GAL3ST1: variants seen among roughly 807,000 people sequenced by gnomAD.
GAL3ST1 encodes galactosylceramide sulfotransferase.
GAL3ST1 carries 13 observed loss-of-function variants against 25.0 expected under a neutral mutation model. That is an observed-to-expected ratio of 0.52 (90% CI 0.34 to 0.83). The LOEUF (loss-of-function observed/expected upper bound fraction) is 0.83, where lower values mean the gene tolerates loss of function less well. Ranked by LOEUF, GAL3ST1 falls within the 40% of genes least tolerant of loss-of-function variation. The probability of loss-of-function intolerance (pLI) is 0.02; values close to 1 mark genes in which losing one functional copy is unlikely to be tolerated. For missense variants in GAL3ST1, 474 were observed against 613.6 expected, an observed-to-expected ratio of 0.77 and a Z score of 2.40; for synonymous variants, 274 against 277.8, an observed-to-expected ratio of 0.99 and a Z score of 0.14.
Position 30,559,353 on chromosome 22 carries a change from G to A in GAL3ST1, c.-119-965C>T, listed in dbSNP as rs536728225. 2.2e-3 allele frequency among the ~76,000 whole-genome samples: 331 copies of A among 152,030 alleles called. 1 individual carries two copies. The highest frequency in any genetic ancestry group is 7.4e-3 in the African/African-American group (309 of 41,518). On this transcript the variant is annotated intron_variant, in intron 1 of 3. Coordinates refer to ENST00000406361, the MANE Select transcript of GAL3ST1 (RefSeq NM_001318104.2). ...ACTCCCCGGTTCAAGCGATTCTCCT[G>A]CCTCAGCCTCCCAAGTAGCTGGGAT...
chr22:30,563,414 G>C (rs2086511635), intron 1 of GAL3ST1: 1 of 152,086 alleles, frequency 6.6e-6, no homozygotes, highest in Non-Finnish European at 1.5e-5. Flanking sequence ...TCAGGAGTTT[G>C]AGGCCAGCCT....
chr22:30,564,370 G>A (rs1030703063), intron 1 of GAL3ST1, among the ~76,000 whole-genome samples: 9 of 152,212 alleles, frequency 5.9e-5, no homozygotes, highest in Non-Finnish European at 1.2e-4. Context: ...CTAGCCTCAG[G>A]GTCAGAAGAC....
intron 1 of GAL3ST1, among the ~76,000 whole-genome samples, chr22:30,574,097 G>C (rs529135727): frequency 2.2e-4 from 33 of 152,232 alleles, no homozygotes; most frequent in African/African-American, 7.9e-4. Flanking sequence ...TCCTCCCCTA[G>C]GGCTCTGGCC....
chr22:30,556,157 G>A, intron 3 of GAL3ST1, 64 bp from the exon 4 acceptor site: 3 of 1,278,906 alleles, frequency 2.3e-6, no homozygotes, highest in South Asian at 1.3e-5. Flanking sequence ...GACTCTGGTA[G>A]TTAGAGAGGG....
rs11912600 is a variant in GAL3ST1 at position 30,554,874 on chromosome 22, G to A, written c.*79C>T. On this transcript the variant is annotated 3_prime_UTR_variant, in exon 4 of 4. Coordinates refer to ENST00000406361, the MANE Select transcript of GAL3ST1 (RefSeq NM_001318104.2). The stretch of plus-strand genomic sequence containing the variant: ...GAGGTGGCACCAGGAGGGGGCTGGG[G>A]GCGGCCAGCACCAGCGGCGTCCTGC... The A allele has an allele frequency of 3.6e-4, 425 of 1,186,102 alleles. 1 individual carries two copies. In the African/African-American group the frequency reaches 6.1e-3, roughly 17 times the overall value. The allele number at this position is 1,186,102 out of a possible 1,614,324, so 73.5% of individuals were successfully genotyped here.
chr22:30,565,659 G>A lies in GAL3ST1; in HGVS notation c.-119-7271C>T, dbSNP rs117512566. ...GAGGAATGGTGATACCCAGACACTCGACCAGCTCTGCAGGATTTGGGCTGA... is the reference window on the plus strand; with the variant it reads ...GAGGAATGGTGATACCCAGACACTCAACCAGCTCTGCAGGATTTGGGCTGA... On this transcript the variant is annotated intron_variant, in intron 1 of 3. Transcript: ENST00000406361. Among the ~76,000 whole-genome samples the A allele has an allele frequency of 1.1e-3, 173 of 152,224 alleles. 2 individuals are homozygous for A. The East Asian group carries it at 0.024, about 21-fold the overall frequency.
chr22:30,554,786 G>C lies in GAL3ST1; in HGVS notation c.*167C>G. On this transcript the variant is annotated 3_prime_UTR_variant, in exon 4 of 4. Coordinates refer to ENST00000406361, the MANE Select transcript of GAL3ST1 (RefSeq NM_001318104.2). ...CTGATCTCGGTTAGGCCCTCTCTGT[G>C]TTCATGGGCCCAGTCTTGGCTGGCT... 1 of 559,622 alleles carries C rather than the reference G, an allele frequency of 1.8e-6. No individual in the cohort carries two copies. The highest frequency in any genetic ancestry group is 1.9e-5 in the African/African-American group (1 of 52,084). The allele number at this position is 559,622 out of a possible 1,614,324, so 34.7% of individuals were successfully genotyped here.
intron 1 of GAL3ST1, among the ~76,000 whole-genome samples, chr22:30,559,714 G>A (rs767024906): frequency 1.4e-4 from 21 of 152,250 alleles, no homozygotes; most frequent in Admixed American, 4.6e-4. Context: ...TGATCTAAGC[G>A]TGGCAACCCT....
intron 1 of GAL3ST1, among the ~76,000 whole-genome samples, chr22:30,561,346 CCT>C (rs1172086249): frequency 4.6e-5 from 7 of 152,186 alleles, no homozygotes; most frequent in Non-Finnish European, 7.3e-5. Context: ...CTTTTGAGCC[CCT>C]GTTAGGAGCC....
At chr22:30,566,899 A>T (rs42937) in intron 1 of GAL3ST1, among the ~76,000 whole-genome samples, 1 of 151,500 alleles carries the variant, frequency 6.6e-6, no homozygotes, top group Non-Finnish European at 1.5e-5. Flanking sequence ...GTGAGCCACC[A>T]CGCCCAGCCG....
At chr22:30,570,598 A>G (rs1261233805) in intron 1 of GAL3ST1, among the ~76,000 whole-genome samples, 2 of 152,162 alleles carry the variant, frequency 1.3e-5, no homozygotes, top group Non-Finnish European at 2.9e-5. Context: ...GGAGTTTGAG[A>G]CCAGCCTGAC....
intron 1 of GAL3ST1, among the ~76,000 whole-genome samples, chr22:30,569,075 CAAA>C (rs66507126): frequency 1.2e-4 from 10 of 86,168 alleles, no homozygotes; most frequent in Admixed American, 2.7e-4. Flanking sequence ...GACTCCATCT[CAAA>C]AAAAAAAAAA....
chr22:30,557,412 A>C lies in GAL3ST1; in HGVS notation c.-9-11T>G. 1 of 1,613,952 alleles carries C rather than the reference A, an allele frequency of 6.2e-7. No individual in the cohort carries two copies. On this transcript the variant is annotated splice_polypyrimidine_tract_variant and intron_variant, in intron 2 of 3. Coordinates refer to ENST00000406361, the MANE Select transcript of GAL3ST1 (RefSeq NM_001318104.2). ...CAGCATCTCAGACACCTGCAGGGGC[A>C]GCACAGAGTAGGGCAAGTGTCAGGA...
In GAL3ST1 at chr22:30,574,614, C is replaced by G. The variant is rs1169745634; in HGVS notation, c.-268G>C. 2 of 144,344 alleles carry G rather than the reference C, an allele frequency of 1.4e-5. No individual in the cohort carries two copies. Among genetic ancestry groups the G allele is most frequent in the East Asian group, 2.0e-4 (1 of 4,958 alleles). The allele number at this position is 144,344 out of a possible 1,614,324, so 8.9% of individuals were successfully genotyped here. A position where few individuals can be genotyped will look rare whatever the true frequency, so the allele number is the denominator to read the frequency against. Reference sequence around the variant, plus strand: ...CCCGCCCCCGCCGCCGCTGCCGCGCCGCGCCCGCTCCCGCGCCGCGCCCGC... The same window carrying G: ...CCCGCCCCCGCCGCCGCTGCCGCGCGGCGCCCGCTCCCGCGCCGCGCCCGC... On this transcript the variant is annotated 5_prime_UTR_variant, in exon 1 of 4. Transcript: ENST00000406361.
chr22:30,571,206 G>A (rs1040893858), intron 1 of GAL3ST1, among the ~76,000 whole-genome samples: 5 of 152,188 alleles, frequency 3.3e-5, no homozygotes, highest in Admixed American at 1.3e-4. Flanking sequence ...GACTGAGAAG[G>A]AGCTGGGAAG....
intron 1 of GAL3ST1, among the ~76,000 whole-genome samples, chr22:30,567,983 C>T (rs1416558687): frequency 1.3e-5 from 2 of 151,978 alleles, no homozygotes; most frequent in Non-Finnish European, 2.9e-5. Flanking sequence ...GCGCCCAGCC[C>T]GTGATAGTTT....
At chr22:30,564,800 G>C (rs5994321) in intron 1 of GAL3ST1, 6 of 152,368 alleles carry the variant, frequency 3.9e-5, no homozygotes, top group African/African-American at 1.4e-4. Context: ...TAACCCCTGT[G>C]GTGGAGCAAA....
intron 1 of GAL3ST1, among the ~76,000 whole-genome samples, chr22:30,564,425 T>C (rs42931): frequency 0.41 from 62,744 of 152,026 alleles, 13,209 homozygotes; most frequent in African/African-American, 0.48. Flanking sequence ...AGGATACCTT[T>C]GGGGTAACAC....
chr22:30,556,019 G>A lies in GAL3ST1; in HGVS notation c.206C>T (p.Ala69Val). The change falls in exon 4 of 4, where the codon GCG (alanine) becomes GTG (valine). Residue 69 changes from alanine (A) to valine (V), a missense_variant. Coordinates refer to ENST00000406361, the MANE Select transcript of GAL3ST1 (RefSeq NM_001318104.2). ...GTTGCGCCGCGGCTGGCACTCCCCC[G>A]CCGAGCCGTTGGCCCGGATCACTGC... Reference protein sequence around the residue: ...PEAVIRANGSAGECQPRRNIV... With the variant: ...PEAVIRANGSVGECQPRRNIV... 3.1e-6 allele frequency: 5 copies of A among 1,612,620 alleles called. No individual in the cohort carries two copies. The highest frequency in any genetic ancestry group is 3.4e-6 in the Non-Finnish European group (4 of 1,179,858).
Sources: gnomAD v4.1 joint callset for allele counts (sites outside exome capture counted in the v4.1 genomes callset) on GRCh38, gnomAD v4.1.1 for gene constraint, MANE v1.5 for transcripts, NCBI Gene and HGNC (gene_info 2026-07-23, HGNC 2026-07-21) for gene names.